UTRN: variants seen among roughly 807,000 people sequenced by gnomAD.
UTRN encodes the protein dystrophin-related protein 1.
Under a neutral mutation model 463.9 loss-of-function variants are expected in UTRN, and 283 were observed. That is an observed-to-expected ratio of 0.61 (90% CI 0.55 to 0.67). The LOEUF (loss-of-function observed/expected upper bound fraction) is 0.67, where lower values mean the gene tolerates loss of function less well. Among genes scored for constraint, UTRN ranks in the 30% least tolerant of loss-of-function variants. The pLI is 0.00. For missense variants in UTRN, 3,922 were observed against 4,084.3 expected (o/e 0.96, Z 1.08); for synonymous variants, 1,442 against 1,431.5 (o/e 1.01, Z -0.17).
intron 2 of UTRN, among the ~76,000 whole-genome samples, chr6:144,315,654 G>A (rs1401137385): frequency 1.3e-5 from 2 of 152,226 alleles, no homozygotes; most frequent in African/African-American, 4.8e-5. Flanking sequence ...ACACTACTTC[G>A]TGGGCTGTGC....
intron 49 of UTRN, 73 bp from the exon 50 acceptor site, chr6:144,557,084 G>T (rs999854042): frequency 1.3e-6 from 2 of 1,516,114 alleles, no homozygotes; most frequent in African/African-American, 2.8e-5. Context: ...AATCTGCTGG[G>T]AGTACCATTG....
chr6:144,438,787 G>A lies in UTRN; in HGVS notation c.1284G>A (p.Gln428=), dbSNP rs926756399. The A allele has an allele frequency of 5.0e-6, 8 of 1,614,218 alleles. No homozygotes were observed. The Middle Eastern group carries it at 1.3e-3, about 266-fold the overall frequency. ...VLMELQKKQL[Q]QLSAWLTLTE... ...TGGAACTGCAGAAGAAGCAACTGCA[G>A]CAGCTCTCCGCCTGGTTAACACTCA... The change falls in exon 12 of 75, where the codon CAG becomes CAA. Residue 428 remains glutamine, a synonymous_variant. Coordinates refer to ENST00000367545, the MANE Select transcript of UTRN (RefSeq NM_007124.3).
At chr6:144,700,843 C>G (rs972367252) in intron 53 of UTRN, among the ~76,000 whole-genome samples, 30 of 152,010 alleles carry the variant, frequency 2.0e-4, no homozygotes, top group African/African-American at 7.2e-4. Flanking sequence ...AAGTGATTCT[C>G]CTGCCTCAGC....
At chr6:144,572,878 A>G (rs374046855) in intron 50 of UTRN, among the ~76,000 whole-genome samples, 13 of 152,278 alleles carry the variant, frequency 8.5e-5, no homozygotes, top group African/African-American at 3.1e-4. Context: ...GTGTCTTTAT[A>G]GTAGAATGAT....
chr6:144,537,638 T>C lies in UTRN; in HGVS notation c.6290T>C (p.Ile2097Thr). Reference sequence around the variant, plus strand: ...TACAGGCATCAGCTAGATGAGATTATCTGTTGGTTAACAAAGGCTGAGCAT... The same window carrying C: ...TACAGGCATCAGCTAGATGAGATTACCTGTTGGTTAACAAAGGCTGAGCAT... Reference protein sequence around the residue: ...MKYRHQLDEIICWLTKAEHAM... With the variant: ...MKYRHQLDEITCWLTKAEHAM... The change falls in exon 44 of 75, where the codon ATC becomes ACC. Residue 2097 changes from isoleucine (I) to threonine (T), a missense_variant. By Grantham distance (89) the Ile-to-Thr change is moderately conservative (BLOSUM62 -1). Around this residue, in one of 3 missense-constraint regions of UTRN, gnomAD observed 2,349 missense variants for 2,303.8 expected, o/e 1.02. Coordinates refer to ENST00000367545, the MANE Select transcript of UTRN (RefSeq NM_007124.3). The C allele has an allele frequency of 6.2e-7, 1 of 1,612,898 alleles. No individual in the cohort carries two copies. The highest frequency in any genetic ancestry group is 1.3e-5 in the African/African-American group (1 of 74,926).
At chr6:144,457,153 A>T (rs1034479747) in intron 19 of UTRN, among the ~76,000 whole-genome samples, 1 of 152,174 alleles carries the variant, frequency 6.6e-6, no homozygotes, top group Non-Finnish European at 1.5e-5. Context: ...ATAAGATGTA[A>T]ATTGTGTTTG....
chr6:144,799,662 CCAGA>C (rs1406214030), intron 64 of UTRN, among the ~76,000 whole-genome samples: 1 of 152,104 alleles, frequency 6.6e-6, no homozygotes, highest in African/African-American at 2.4e-5. Context: ...TTACTTTATG[CCAGA>C]CAATGTGCTA....
intron 56 of UTRN, 153 bp from the exon 57 acceptor site, chr6:144,754,567 A>G (rs554042197): frequency 1.4e-5 from 5 of 367,764 alleles, no homozygotes; most frequent in Admixed American, 5.1e-5. Flanking sequence ...TTACTCTGAT[A>G]CCAGAGACAG....
intron 29 of UTRN, 38 bp downstream of exon 29, chr6:144,487,735 T>C: frequency 6.5e-7 from 1 of 1,549,864 alleles, no homozygotes; most frequent in Non-Finnish European, 8.7e-7. Flanking sequence ...GATTAGGTAT[T>C]GATGAAGTGG....
chr6:144,584,374 G>A (rs555124021), intron 51 of UTRN, among the ~76,000 whole-genome samples: 11 of 152,086 alleles, frequency 7.2e-5, no homozygotes, highest in Non-Finnish European at 1.3e-4. Context: ...TAAAAGGAGA[G>A]AGTTATAATA....
intron 60 of UTRN, among the ~76,000 whole-genome samples, chr6:144,777,186 A>T (rs1260414523): frequency 6.6e-6 from 1 of 152,178 alleles, no homozygotes; most frequent in East Asian, 1.9e-4. Context: ...GTTATATAGC[A>T]GTACTCCAGA....
chr6:144,839,725 T>C (rs1321270145), intron 72 of UTRN, among the ~76,000 whole-genome samples: 1 of 152,210 alleles, frequency 6.6e-6, no homozygotes, highest in African/African-American at 2.4e-5. Flanking sequence ...ACTTAGACAT[T>C]GTCTTGCCTG....
In UTRN at chr6:144,768,950, TTTGTTTTG is replaced by T. The variant is rs1249871385; in HGVS notation, c.8496-2954_8496-2947del. Among the ~76,000 whole-genome samples, 155 of 125,128 alleles carry T rather than the reference TTTGTTTTG, an allele frequency of 1.2e-3. 3 individuals are homozygous for T. The highest frequency in any genetic ancestry group is 5.1e-3 in the African/African-American group (155 of 30,226). The allele number at this position is 125,128 out of a possible 152,430, so 82.1% of individuals were successfully genotyped here. The stretch of plus-strand genomic sequence containing the variant: ...TGTTAATTGCTACTTTGTTTTTTGT[TTTGTTTTG>T]TTTTTTTTTTTTTAATTTTATTCTT... On this transcript the variant is annotated intron_variant, in intron 58 of 74. Coordinates refer to ENST00000367545, the MANE Select transcript of UTRN (RefSeq NM_007124.3).
Position 144,511,803 on chromosome 6 carries a change from A to G in UTRN, c.4944+680A>G, listed in dbSNP as rs184349759. 1.5e-3 allele frequency among the ~76,000 whole-genome samples: 226 copies of G among 152,186 alleles called. 1 individual carries two copies. The highest frequency in any genetic ancestry group is 5.0e-3 in the African/African-American group (208 of 41,548). ...TGGAAATAGTTACCATTTAATTTTT[A>G]TATGGTTTTATGTTCCTATGATACT... On this transcript the variant is annotated intron_variant, in intron 35 of 74. Transcript: ENST00000367545.
At chr6:144,634,560 G>C (rs1007544166) in intron 51 of UTRN, among the ~76,000 whole-genome samples, 2 of 152,154 alleles carry the variant, frequency 1.3e-5, no homozygotes, top group Non-Finnish European at 2.9e-5. Context: ...TTTTGTAAAA[G>C]CTTTGTTGCA....
chr6:144,310,093 T>C (rs997764151), intron 2 of UTRN, among the ~76,000 whole-genome samples: 2 of 152,272 alleles, frequency 1.3e-5, no homozygotes, highest in African/African-American at 2.4e-5. Flanking sequence ...TGCAGGTATT[T>C]TGTCTAGGTT....
intron 23 of UTRN, among the ~76,000 whole-genome samples, chr6:144,469,806 T>C (rs1038269816): frequency 6.6e-6 from 1 of 151,428 alleles, no homozygotes; most frequent in Non-Finnish European, 1.5e-5. Context: ...CAGATAAACA[T>C]GTGAACAAAG....
intron 51 of UTRN, among the ~76,000 whole-genome samples, chr6:144,623,340 A>G (rs1004456219): frequency 6.6e-6 from 1 of 152,256 alleles, no homozygotes; most frequent in Non-Finnish European, 1.5e-5. Context: ...TAGATATAAA[A>G]TACACCTTTA....
intron 2 of UTRN, chr6:144,398,475 C>A: frequency 2.7e-6 from 1 of 369,404 alleles, no homozygotes; most frequent in Non-Finnish European, 5.3e-6. Context: ...TTTTTCCCTC[C>A]AATTATTGGT....
Sources: gnomAD v4.1 joint callset for allele counts (sites outside exome capture counted in the v4.1 genomes callset) on GRCh38, gnomAD v4.1.1 for gene constraint, gnomAD v4.1.1 regional missense constraint, MANE v1.5 for transcripts, NCBI Gene and HGNC (gene_info 2026-07-23, HGNC 2026-07-21) for gene names.